The following SCFD2 variants were observed in gnomAD, a reference collection of about 807,000 sequenced individuals.
SCFD2 encodes the protein sec1 family domain containing 2.
A neutral mutation model predicts 58.9 loss-of-function variants in SCFD2; 54 were observed. The observed-to-expected ratio is 0.92, with a 90% confidence interval of 0.74 to 1.15. SCFD2 has a LOEUF of 1.15. Ranked by LOEUF, SCFD2 falls within the 50% of genes most tolerant of loss-of-function variation. The probability of loss-of-function intolerance (pLI) is 0.00; values close to 1 mark genes in which losing one functional copy is unlikely to be tolerated. For synonymous variants in SCFD2, 321 were observed against 335.9 expected (o/e 0.96, Z 0.49); for missense variants, 805 against 836.6 (o/e 0.96, Z 0.47).
At chr4:52,924,774 T>C (rs956569972) in intron 5 of SCFD2, among the ~76,000 whole-genome samples, 1 of 152,160 alleles carries the variant, frequency 6.6e-6, no homozygotes, top group Non-Finnish European at 1.5e-5. Flanking sequence ...AAATGACGTA[T>C]GCAAGATCAC....
chr4:53,196,974 T>C (rs1728078318), intron 4 of SCFD2, among the ~76,000 whole-genome samples: 1 of 152,146 alleles, frequency 6.6e-6, no homozygotes, highest in East Asian at 1.9e-4. Context: ...ACACGGAAGA[T>C]AGACAAAAGC....
chr4:52,935,111 T>C (rs1720102380), intron 5 of SCFD2, among the ~76,000 whole-genome samples: 1 of 152,154 alleles, frequency 6.6e-6, no homozygotes, highest in Non-Finnish European at 1.5e-5. Flanking sequence ...TGCACAGCAG[T>C]AGAATGTAAG....
At chr4:53,152,311 G>A (rs1203217972) in intron 4 of SCFD2, among the ~76,000 whole-genome samples, 1 of 151,488 alleles carries the variant, frequency 6.6e-6, no homozygotes, top group African/African-American at 2.4e-5. Flanking sequence ...GAAAATGCAA[G>A]CTAAATTCAC....
At chr4:52,988,942 C>A (rs998063499) in intron 5 of SCFD2, among the ~76,000 whole-genome samples, 2 of 152,162 alleles carry the variant, frequency 1.3e-5, no homozygotes, top group African/African-American at 4.8e-5. Flanking sequence ...ATAATTGCTA[C>A]AATGTGTCGA....
At chr4:53,204,414 A>G (rs957255692) in intron 4 of SCFD2, among the ~76,000 whole-genome samples, 1 of 151,916 alleles carries the variant, frequency 6.6e-6, no homozygotes, top group Non-Finnish European at 1.5e-5. Flanking sequence ...TAGAATACAG[A>G]CATGTACACA....
chr4:53,042,064 A>C (rs774693675), intron 5 of SCFD2, among the ~76,000 whole-genome samples: 7 of 152,150 alleles, frequency 4.6e-5, no homozygotes, highest in Non-Finnish European at 8.8e-5. Flanking sequence ...GGACACATAC[A>C]CTTCTCTCAG....
At chr4:52,928,423 A>C (rs1261741894) in intron 5 of SCFD2, among the ~76,000 whole-genome samples, 3 of 152,208 alleles carry the variant, frequency 2.0e-5, no homozygotes, top group African/African-American at 7.2e-5. Flanking sequence ...TGTATCACAC[A>C]GCAGGACACC....
chr4:53,221,450 T>G (rs1729044871), intron 4 of SCFD2, among the ~76,000 whole-genome samples: 1 of 152,192 alleles, frequency 6.6e-6, no homozygotes, highest in African/African-American at 2.4e-5. Context: ...AATATTAAAT[T>G]AAAACCCCAC....
At chr4:53,085,231 T>C (rs1260556696) in intron 5 of SCFD2, among the ~76,000 whole-genome samples, 1 of 152,192 alleles carries the variant, frequency 6.6e-6, no homozygotes, top group East Asian at 1.9e-4. Flanking sequence ...ATTATTTCTA[T>C]ATATCAACAG....
At position 52,963,208 on chromosome 4, in the gene SCFD2, CTTAT is replaced by C. The variant is rs1375159544; in HGVS notation, c.1562-42342_1562-42339del. Among the ~76,000 whole-genome samples, 3 of 152,266 alleles carry C rather than the reference CTTAT, an allele frequency of 2.0e-5. No homozygotes were observed. The South Asian group carries it at 6.2e-4, about 32-fold the overall frequency. On this transcript the variant is annotated intron_variant, in intron 5 of 8. Coordinates refer to ENST00000401642, the MANE Select transcript of SCFD2 (RefSeq NM_152540.4). The stretch of plus-strand genomic sequence containing the variant: ...AAACTGTATCTTCCCAAGTTTGCAA[CTTAT>C]TTTCAGAATGCCCTGATCAATTATT...
chr4:53,229,486 T>C (rs1177140269), intron 4 of SCFD2, among the ~76,000 whole-genome samples: 1 of 152,216 alleles, frequency 6.6e-6, no homozygotes, highest in Non-Finnish European at 1.5e-5. Context: ...AACTATCTGA[T>C]CTTTGACAAA....
At chr4:53,287,855 C>T (rs35784764) in intron 3 of SCFD2, among the ~76,000 whole-genome samples, 10,857 of 151,972 alleles carry the variant, frequency 0.071, 612 homozygotes, top group East Asian at 0.22. Flanking sequence ...GAAAATAATT[C>T]ATGATCTGAA....
chr4:53,271,829 C>A (rs1045277977), intron 4 of SCFD2, among the ~76,000 whole-genome samples: 1 of 152,064 alleles, frequency 6.6e-6, no homozygotes, highest in Admixed American at 6.6e-5. Context: ...AAAGCAATGG[C>A]AACAAAAGCC....
At chr4:53,233,831 A>G (rs572959753) in intron 4 of SCFD2, among the ~76,000 whole-genome samples, 15 of 152,366 alleles carry the variant, frequency 9.8e-5, no homozygotes, top group African/African-American at 3.6e-4. Context: ...ATATATCCTT[A>G]TGGAGAAATG....
At chr4:52,974,403 G>A (rs975308703) in intron 5 of SCFD2, among the ~76,000 whole-genome samples, 1 of 152,136 alleles carries the variant, frequency 6.6e-6, no homozygotes, top group African/African-American at 2.4e-5. Flanking sequence ...CAAATCATGA[G>A]TGAACTCCCA....
Position 52,881,807 on chromosome 4 carries a change from C to T in SCFD2, c.1962+3940G>A, listed in dbSNP as rs144781215. Among the ~76,000 whole-genome samples, 277 of 152,198 alleles carry T rather than the reference C, an allele frequency of 1.8e-3. 2 individuals carry two copies. Among genetic ancestry groups the T allele is most frequent in the African/African-American group, 6.5e-3 (268 of 41,514 alleles). ...TTTTCTGTTATGTTGGAATGGTACA[C>T]GTAGAGTCTCTAATGTTCAGTATTG... On this transcript the variant is annotated intron_variant, in intron 8 of 8. Transcript: ENST00000401642.
At chr4:53,010,540 G>A (rs559720150) in intron 5 of SCFD2, among the ~76,000 whole-genome samples, 22 of 152,298 alleles carry the variant, frequency 1.4e-4, no homozygotes, top group African/African-American at 5.1e-4. Flanking sequence ...ATTCTTGGCG[G>A]AAATCCCTGT....
intron 3 of SCFD2, among the ~76,000 whole-genome samples, chr4:53,301,505 C>T (rs1381003361): frequency 1.5e-4 from 23 of 152,078 alleles, no homozygotes; most frequent in East Asian, 1.4e-3. Flanking sequence ...GATTCACAGC[C>T]GAATTCTACC....
chr4:53,016,040 G>A (rs1722204906), intron 5 of SCFD2, among the ~76,000 whole-genome samples: 1 of 152,114 alleles, frequency 6.6e-6, no homozygotes, highest in South Asian at 2.1e-4. Flanking sequence ...CTTAACAGAG[G>A]GGCTTCTAAC....
Sources: gnomAD v4.1 joint callset for allele counts (sites outside exome capture counted in the v4.1 genomes callset) on GRCh38, gnomAD v4.1.1 for gene constraint, MANE v1.5 for transcripts, NCBI Gene and HGNC (gene_info 2026-07-23, HGNC 2026-07-21) for gene names.